Variants in RPS6KA2 observed in about 807,000 individuals in gnomAD.
RPS6KA2 encodes ribosomal protein S6 kinase A2, also known as ribosomal protein S6 kinase alpha-2.
In RPS6KA2, 42 loss-of-function variants were observed where a neutral mutation model predicts 91.8. That is an observed-to-expected ratio of 0.46 (90% CI 0.36 to 0.59). The LOEUF is 0.59. Ranked by LOEUF, RPS6KA2 falls within the 20% of genes least tolerant of loss-of-function variation. The probability of loss-of-function intolerance (pLI) is 0.00; values close to 1 mark genes in which losing one functional copy is unlikely to be tolerated. For synonymous variants in RPS6KA2, 414 were observed against 393.6 expected, an observed-to-expected ratio of 1.05 and a Z score of -0.61; for missense variants, 798 against 978.5, an observed-to-expected ratio of 0.82 and a Z score of 2.46.
At chr6:166,594,189 T>C (rs1785452691) in intron 1 of RPS6KA2, among the ~76,000 whole-genome samples, 1 of 152,226 alleles carries the variant, frequency 6.6e-6, no homozygotes, top group African/African-American at 2.4e-5. Context: ...TGAAAATGTC[T>C]TGGTAAGTGA....
chr6:166,657,686 G>A (rs561371766), intron 2 of RPS6KA2, among the ~76,000 whole-genome samples: 6 of 152,188 alleles, frequency 3.9e-5, no homozygotes, highest in South Asian at 2.1e-4. Flanking sequence ...TGTGCTAGGC[G>A]TTGGAAGGAG....
intron 2 of RPS6KA2, among the ~76,000 whole-genome samples, chr6:166,748,476 G>A (rs939428546): frequency 2.6e-5 from 4 of 151,858 alleles, no homozygotes; most frequent in African/African-American, 4.8e-5. Flanking sequence ...CCGGTGCGGG[G>A]CTGGAGGATG....
intron 19 of RPS6KA2, 126 bp from the exon 20 acceptor site, chr6:166,414,057 T>G: frequency 1.3e-6 from 1 of 764,584 alleles, no homozygotes; most frequent in South Asian, 2.0e-5. Context: ...TGTGGGTCTT[T>G]GCATTTTGGG....
intron 1 of RPS6KA2, among the ~76,000 whole-genome samples, chr6:166,553,499 G>A (rs932830285): frequency 2.9e-5 from 4 of 139,300 alleles, no homozygotes; most frequent in East Asian, 2.1e-4. Context: ...GCTTGGGAAA[G>A]AAACAGGAGT....
At chr6:166,730,410 A>T (rs1790476800) in intron 2 of RPS6KA2, among the ~76,000 whole-genome samples, 1 of 152,216 alleles carries the variant, frequency 6.6e-6, no homozygotes. Context: ...TGATGTTGTT[A>T]AATGTTTTAT....
At chr6:166,637,606 C>T (rs1273418352) in intron 2 of RPS6KA2, among the ~76,000 whole-genome samples, 3 of 152,228 alleles carry the variant, frequency 2.0e-5, no homozygotes, top group Non-Finnish European at 4.4e-5. Flanking sequence ...TAACCAAGCG[C>T]TCAGAACTTA....
Position 166,648,043 on chromosome 6 carries a change from CACACAT to C in RPS6KA2, c.124-109265_124-109260del, listed in dbSNP as rs1309051565. On this transcript the variant is annotated intron_variant, in intron 2 of 21. Coordinates refer to the RPS6KA2 transcript ENST00000503859. This position sits in a 1 kb window ranked among gnomAD's most constrained non-coding sequence, Gnocchi z 4.8. The stretch of plus-strand genomic sequence containing the variant: ...ACACATACATACACACATGCTCTCA[CACACAT>C]GCACATGCTCACACACATGCACACG... Among the ~76,000 whole-genome samples, 1 of 151,532 alleles carries C rather than the reference CACACAT, an allele frequency of 6.6e-6. No individual in the cohort carries two copies. Among genetic ancestry groups the C allele is most frequent in the Non-Finnish European group, 1.5e-5 (1 of 67,912 alleles).
chr6:166,748,425 T>C (rs1352037451), intron 2 of RPS6KA2, among the ~76,000 whole-genome samples: 3 of 152,090 alleles, frequency 2.0e-5, no homozygotes, highest in Non-Finnish European at 2.9e-5. Context: ...CATCTGATCC[T>C]GGCCACAGGC....
Position 166,419,807 on chromosome 6 carries a change from G to A in RPS6KA2, c.1820+75C>T. 4 of 1,351,662 alleles carry A rather than the reference G, an allele frequency of 3.0e-6. No individual in the cohort carries two copies. The Admixed American group carries it at 5.1e-5, about 17-fold the overall frequency. The allele number at this position is 1,351,662 out of a possible 1,614,324, so 83.7% of individuals were successfully genotyped here. A position where few individuals can be genotyped will look rare whatever the true frequency, so the allele number is the denominator to read the frequency against. ...CGCACACTAGGACAGGGCTGGCCCT[G>A]GTCCCCTGACAGATCAGCCACTGAG... On this transcript the variant is annotated intron_variant, in intron 18 of 20. Transcript: ENST00000265678. This position sits in a 1 kb window ranked among gnomAD's most constrained non-coding sequence, Gnocchi z 5.6.
chr6:166,700,454 G>A (rs921319445), intron 2 of RPS6KA2, among the ~76,000 whole-genome samples: 8 of 151,676 alleles, frequency 5.3e-5, no homozygotes, highest in South Asian at 2.1e-4. Context: ...TTTAAAAAAC[G>A]GTTGGACTTC....
intron 2 of RPS6KA2, among the ~76,000 whole-genome samples, chr6:166,792,287 A>T (rs1400921869): frequency 4.6e-5 from 7 of 152,156 alleles, no homozygotes; most frequent in African/African-American, 1.7e-4. Context: ...ACATACACCG[A>T]CCCAAGACTA....
chr6:166,860,511 T>C (rs1297306381), intron 1 of RPS6KA2, among the ~76,000 whole-genome samples: 1 of 152,178 alleles, frequency 6.6e-6, no homozygotes, highest in Non-Finnish European at 1.5e-5. Context: ...ATTTGAGAAA[T>C]ATGTGAAACA....
At chr6:166,479,629 CA>C (rs1014416909) in intron 10 of RPS6KA2, among the ~76,000 whole-genome samples, 3 of 152,258 alleles carry the variant, frequency 2.0e-5, no homozygotes, top group Admixed American at 2.0e-4. Flanking sequence ...TCTCTGGCAT[CA>C]AATGTTTCTC....
intron 3 of RPS6KA2, among the ~76,000 whole-genome samples, chr6:166,519,913 A>G (rs1318709905): frequency 1.3e-5 from 2 of 152,204 alleles, no homozygotes; most frequent in East Asian, 3.8e-4. Flanking sequence ...AGATGCCCAG[A>G]GAGCTGGTGA....
intron 1 of RPS6KA2, among the ~76,000 whole-genome samples, chr6:166,545,031 G>C (rs1783780651): frequency 6.6e-6 from 1 of 152,178 alleles, no homozygotes; most frequent in South Asian, 2.1e-4. Context: ...ATAGGAGGAA[G>C]GGAAGCAGGA....
intron 10 of RPS6KA2, among the ~76,000 whole-genome samples, chr6:166,474,446 C>A (rs548141901): frequency 6.6e-6 from 1 of 152,316 alleles, no homozygotes; most frequent in Non-Finnish European, 1.5e-5. Flanking sequence ...CCTTTCTAAC[C>A]TTTCCCTCAC....
At position 166,792,081 on chromosome 6, in the gene RPS6KA2, C is replaced by T. The variant is rs141692559; in HGVS notation, c.123+66119G>A. ...TTCAAAAAATCAATGAATCTGGGAG[C>T]TGGTTTCTTGAAAAGATCAACAAAA... On this transcript the variant is annotated intron_variant, in intron 2 of 21. Coordinates refer to the RPS6KA2 transcript ENST00000503859. Among the ~76,000 whole-genome samples the T allele has an allele frequency of 8.9e-3, 1,359 of 152,020 alleles. 16 individuals carry two copies. Among genetic ancestry groups the T allele is most frequent in the African/African-American group, 0.031 (1,278 of 41,466 alleles).
At chr6:166,507,925 C>A (rs1014012125) in intron 5 of RPS6KA2, among the ~76,000 whole-genome samples, 3 of 148,416 alleles carry the variant, frequency 2.0e-5, no homozygotes, top group Non-Finnish European at 1.5e-5. Flanking sequence ...CCCCACACAT[C>A]ACGCACATGC....
intron 2 of RPS6KA2, among the ~76,000 whole-genome samples, chr6:166,830,509 T>C (rs1780158890): frequency 6.6e-6 from 1 of 152,212 alleles, no homozygotes; most frequent in Non-Finnish European, 1.5e-5. Context: ...AGATGGTACA[T>C]TTTATATTTT....
Sources: allele counts gnomAD v4.1 joint callset (sites outside exome capture counted in the v4.1 genomes callset), GRCh38; gene constraint gnomAD v4.1.1; non-coding constraint Gnocchi (gnomAD v3.1); transcripts MANE v1.5; gene names NCBI Gene and HGNC (gene_info 2026-07-23, HGNC 2026-07-21).